Variants in NAA16 observed in about 807,000 individuals in gnomAD.
NAA16 encodes NARG1-like protein.
NAA16 carries 97 observed loss-of-function variants against 110.3 expected under a neutral mutation model. That is an observed-to-expected ratio of 0.88 (90% CI 0.75 to 1.04). NAA16 has a LOEUF of 1.04. Ranked by LOEUF, NAA16 falls within the 50% of genes least tolerant of loss-of-function variation. NAA16 has a pLI of 0.00. For missense variants in NAA16, 1,017 were observed against 1,005.1 expected (o/e 1.01, Z -0.16); for synonymous variants, 372 against 330.6 (o/e 1.13, Z -1.36).
chr13:41,358,560 C>A, intron 11 of NAA16, 87 bp downstream of exon 11: 1 of 1,535,094 alleles, frequency 6.5e-7, no homozygotes, highest in Non-Finnish European at 8.7e-7. Flanking sequence ...GAAACAAGTT[C>A]TAGGGCACCC....
chr13:41,313,348 C>T lies in NAA16; in HGVS notation c.54+1766C>T, dbSNP rs577679092. ...TTGCTGGGATTACAGATGTGAGCTA[C>T]TGTGCTCAGCCAAGCTAAACATTTT... On this transcript the variant is annotated intron_variant, in intron 1 of 19. Transcript: ENST00000379406. 1.5e-4 allele frequency among the ~76,000 whole-genome samples: 23 copies of T among 152,314 alleles called. No homozygotes were observed. In the South Asian group the frequency reaches 4.8e-3, roughly 32 times the overall value.
chr13:41,312,054 C>T (rs981304101), intron 1 of NAA16, among the ~76,000 whole-genome samples: 16 of 152,162 alleles, frequency 1.1e-4, no homozygotes, highest in African/African-American at 3.6e-4. Context: ...AAAGCGGGAT[C>T]GATGCGATGG....
chr13:41,328,074 C>T (rs997157334), intron 6 of NAA16: 2 of 151,864 alleles, frequency 1.3e-5, no homozygotes, highest in African/African-American at 4.8e-5. Context: ...TGAGAATCTC[C>T]CCTTTATCTT....
chr13:41,346,822 G>T (rs1188234552), intron 9 of NAA16, among the ~76,000 whole-genome samples: 3 of 152,080 alleles, frequency 2.0e-5, no homozygotes, highest in Non-Finnish European at 2.9e-5. Context: ...AGCTAGAAAG[G>T]TTCTTTAACA....
intron 10 of NAA16, among the ~76,000 whole-genome samples, chr13:41,356,123 G>A (rs1231340343): frequency 6.6e-6 from 1 of 152,186 alleles, no homozygotes; most frequent in East Asian, 1.9e-4. Context: ...AGGACTACAG[G>A]CGTGTGCCAC....
chr13:41,365,967 C>T (rs1055798545), intron 13 of NAA16, among the ~76,000 whole-genome samples: 1 of 152,104 alleles, frequency 6.6e-6, no homozygotes, highest in African/African-American at 2.4e-5. Context: ...TTTAGCGCCA[C>T]CATTTTTCCT....
intron 9 of NAA16, among the ~76,000 whole-genome samples, chr13:41,343,950 G>T (rs1196537301): frequency 6.6e-6 from 1 of 152,210 alleles, no homozygotes; most frequent in Non-Finnish European, 1.5e-5. Context: ...GAGATTGTAG[G>T]TGTGAACCTA....
intron 8 of NAA16, among the ~76,000 whole-genome samples, chr13:41,333,530 T>G (rs2042296355): frequency 6.6e-6 from 1 of 152,118 alleles, no homozygotes; most frequent in Non-Finnish European, 1.5e-5. Flanking sequence ...CCATATGTGG[T>G]CTTTAGTTTC....
At chr13:41,337,892 T>G (rs1013341117) in intron 9 of NAA16, among the ~76,000 whole-genome samples, 5 of 152,132 alleles carry the variant, frequency 3.3e-5, no homozygotes, top group African/African-American at 1.2e-4. Context: ...GCAGCAGGTT[T>G]CATAAACAAA....
chr13:41,311,727 C>T, intron 1 of NAA16, 145 bp downstream of exon 1: 1 of 741,192 alleles, frequency 1.3e-6, no homozygotes, highest in Non-Finnish European at 2.2e-6. Flanking sequence ...CGCGGGACCC[C>T]ACTTTCCCGC....
chr13:41,346,629 G>A (rs372027115), intron 9 of NAA16, among the ~76,000 whole-genome samples: 1 of 152,042 alleles, frequency 6.6e-6, no homozygotes, highest in Non-Finnish European at 1.5e-5. Flanking sequence ...GGGTGGTCTC[G>A]TTGCCTGGCA....
intron 1 of NAA16, among the ~76,000 whole-genome samples, chr13:41,312,262 C>T (rs969066318): frequency 6.6e-6 from 1 of 152,182 alleles, no homozygotes; most frequent in Non-Finnish European, 1.5e-5. Context: ...TCGCACAGGC[C>T]TTGCTTGAGT....
At chr13:41,339,752 G>T (rs193105128) in intron 9 of NAA16, among the ~76,000 whole-genome samples, 4 of 152,068 alleles carry the variant, frequency 2.6e-5, no homozygotes, top group Non-Finnish European at 4.4e-5. Flanking sequence ...TAGAGACAGG[G>T]TTTCATGATG....
intron 15 of NAA16, among the ~76,000 whole-genome samples, chr13:41,369,645 A>T (rs949460765): frequency 1.3e-5 from 2 of 152,188 alleles, no homozygotes; most frequent in African/African-American, 4.8e-5. Flanking sequence ...TGTGGTCCTA[A>T]TATCGTCAAA....
intron 19 of NAA16, among the ~76,000 whole-genome samples, chr13:41,375,088 G>T (rs1417396702): frequency 6.6e-6 from 1 of 152,224 alleles, no homozygotes; most frequent in Admixed American, 6.5e-5. Context: ...AATAAAACGT[G>T]AAGTCCTTAG....
At chr13:41,317,434 A>AATATT (rs1451546090) in intron 2 of NAA16, among the ~76,000 whole-genome samples, 1 of 152,074 alleles carries the variant, frequency 6.6e-6, no homozygotes, top group Non-Finnish European at 1.5e-5. Flanking sequence ...GGTGTTAATA[A>AATATT]AGTTTGTATT....
chr13:41,321,861 A>G (rs1304202819), intron 4 of NAA16, among the ~76,000 whole-genome samples: 1 of 152,246 alleles, frequency 6.6e-6, no homozygotes, highest in Non-Finnish European at 1.5e-5. Flanking sequence ...CTCTACTGCC[A>G]TATAAGCCCT....
At chr13:41,340,943 A>T (rs2042527425) in intron 9 of NAA16, among the ~76,000 whole-genome samples, 1 of 152,126 alleles carries the variant, frequency 6.6e-6, no homozygotes, top group Non-Finnish European at 1.5e-5. Context: ...CTGGGATTAC[A>T]GGCGTGAGCC....
At chr13:41,324,990 CTCT>C in intron 5 of NAA16, among the ~76,000 whole-genome samples, 1 of 116,400 alleles carries the variant, frequency 8.6e-6, no homozygotes, top group East Asian at 3.0e-4. Flanking sequence ...CTGAGTTTCA[CTCT>C]TGTTGCTCAG....
Sources: allele counts gnomAD v4.1 joint callset (sites outside exome capture counted in the v4.1 genomes callset), GRCh38; gene constraint gnomAD v4.1.1; transcripts MANE v1.5; gene names NCBI Gene and HGNC (gene_info 2026-07-23, HGNC 2026-07-21).